TTC7B: variants seen among roughly 807,000 people sequenced by gnomAD.
TTC7B encodes the protein tetratricopeptide repeat domain 7B.
A neutral mutation model predicts 106.8 loss-of-function variants in TTC7B; 28 were observed. The observed-to-expected ratio is 0.26, with a 90% CI of 0.19 to 0.36. The LOEUF is 0.36. Ranked by LOEUF, TTC7B falls within the 10% of genes least tolerant of loss-of-function variation. The pLI is 1.00. For missense variants in TTC7B, 862 were observed against 1,076.4 expected, an observed-to-expected ratio of 0.80 and a Z score of 2.79; for synonymous variants, 405 against 430.6, an observed-to-expected ratio of 0.94 and a Z score of 0.74.
Position 90,808,872 on chromosome 14 carries a change from G to A in TTC7B, c.121+7303C>T, listed in dbSNP as rs1228838329. ...AATAAGAACCAAAGGCCATTCCTGCGTGCCCAGGGCACAGCTGGCCGGGCA... is the reference window on the plus strand; with the variant it reads ...AATAAGAACCAAAGGCCATTCCTGCATGCCCAGGGCACAGCTGGCCGGGCA... On this transcript the variant is annotated intron_variant, in intron 1 of 19. Transcript: ENST00000328459. This position sits in a 1 kb window ranked among gnomAD's most constrained non-coding sequence, Gnocchi z 4.2. 7.2e-5 allele frequency among the ~76,000 whole-genome samples: 11 copies of A among 152,206 alleles called. No individual in the cohort carries two copies. Among genetic ancestry groups the A allele is most frequent in the South Asian group, 2.1e-4 (1 of 4,836 alleles).
At chr14:90,623,798 A>C (rs1884316775) in intron 15 of TTC7B, among the ~76,000 whole-genome samples, 1 of 152,214 alleles carries the variant, frequency 6.6e-6, no homozygotes, top group South Asian at 2.1e-4. Context: ...AGGCAGGCAG[A>C]TCACTTGAGG....
chr14:90,561,466 G>T (rs898385384), intron 19 of TTC7B, among the ~76,000 whole-genome samples: 3 of 152,210 alleles, frequency 2.0e-5, no homozygotes, highest in African/African-American at 7.2e-5. Flanking sequence ...GGCATAAAGA[G>T]GGGACGCTTC....
chr14:90,593,340 T>C (rs1009645026), intron 18 of TTC7B, 146 bp downstream of exon 18: 2 of 1,209,968 alleles, frequency 1.7e-6, no homozygotes, highest in Non-Finnish European at 2.2e-6. Context: ...AACATTTTGG[T>C]GCATGGCCGT....
At chr14:90,717,271 G>T (rs560170223) in intron 5 of TTC7B, among the ~76,000 whole-genome samples, 115 of 151,832 alleles carry the variant, frequency 7.6e-4, no homozygotes, top group Middle Eastern at 3.4e-3. Context: ...CCCGGGAGGC[G>T]GAGCTTGCAG....
chr14:90,607,055 G>C (rs1892670358), intron 17 of TTC7B, among the ~76,000 whole-genome samples: 1 of 152,150 alleles, frequency 6.6e-6, no homozygotes, highest in South Asian at 2.1e-4. Context: ...AGCAAGTGTG[G>C]GACAGGAGAG....
intron 17 of TTC7B, among the ~76,000 whole-genome samples, chr14:90,603,809 T>C (rs894941114): frequency 2.6e-5 from 4 of 152,238 alleles, no homozygotes; most frequent in Non-Finnish European, 5.9e-5. Flanking sequence ...TAAGAAATTC[T>C]GCATTTGTCA....
chr14:90,578,988 C>T lies in TTC7B; in HGVS notation c.2108-680G>A, dbSNP rs994068638. Among the ~76,000 whole-genome samples, 2 of 152,256 alleles carry T rather than the reference C, an allele frequency of 1.3e-5. No homozygotes were observed. The highest frequency in any genetic ancestry group is 1.5e-5 in the Non-Finnish European group (1 of 68,050). On this transcript the variant is annotated intron_variant, in intron 18 of 19. Coordinates refer to ENST00000328459, the MANE Select transcript of TTC7B (RefSeq NM_001010854.2). This position sits in a 1 kb window ranked among gnomAD's most constrained non-coding sequence, Gnocchi z 4.7. ...ATGACCCTGCTACCGATCCAGGCCTCAACTCTCTCACCTCCATGTGGAGCC... is the reference window on the plus strand; with the variant it reads ...ATGACCCTGCTACCGATCCAGGCCTTAACTCTCTCACCTCCATGTGGAGCC...
chr14:90,764,299 C>T (rs1438369953), intron 3 of TTC7B, among the ~76,000 whole-genome samples: 2 of 151,974 alleles, frequency 1.3e-5, no homozygotes, highest in African/African-American at 2.4e-5. Context: ...CAAAAATATA[C>T]AAAAATTAAC....
chr14:90,598,814 T>A lies in TTC7B; in HGVS notation c.1967-5188A>T, dbSNP rs1023302895. On this transcript the variant is annotated intron_variant, in intron 17 of 19. Transcript: ENST00000328459. Reference sequence around the variant, plus strand: ...ACATGTGAGCCCTCTTCCACCAAAGTTCATCATCCAAAGGGATCCCAGCAC... The same window carrying A: ...ACATGTGAGCCCTCTTCCACCAAAGATCATCATCCAAAGGGATCCCAGCAC... Among the ~76,000 whole-genome samples the A allele has an allele frequency of 2.6e-5, 4 of 152,342 alleles. No homozygotes were observed. In the South Asian group the frequency reaches 8.3e-4, roughly 32 times the overall value.
At chr14:90,541,695 T>A in intron 19 of TTC7B, 106 bp from the exon 20 acceptor site, 1 of 860,150 alleles carries the variant, frequency 1.2e-6, no homozygotes, top group Non-Finnish European at 1.7e-6. Context: ...GCCGGGAATA[T>A]ATCGCCATTG....
intron 15 of TTC7B, among the ~76,000 whole-genome samples, chr14:90,620,398 C>G (rs1893260477): frequency 6.6e-6 from 1 of 152,152 alleles, no homozygotes; most frequent in Non-Finnish European, 1.5e-5. Flanking sequence ...CCTGCTGAAG[C>G]CTGCCCGAGT....
intron 1 of TTC7B, among the ~76,000 whole-genome samples, chr14:90,810,262 A>T (rs1286311): frequency 0.75 from 113,783 of 152,098 alleles, 42,909 homozygotes; most frequent in Middle Eastern, 0.83. Flanking sequence ...ATGCCCAGTA[A>T]ACATAACATG....
chr14:90,554,025 A>G (rs1890198784), intron 19 of TTC7B, among the ~76,000 whole-genome samples: 1 of 152,252 alleles, frequency 6.6e-6, no homozygotes, highest in African/African-American at 2.4e-5. Context: ...CAGCCTGGCC[A>G]GAAGCCAAAG....
At chr14:90,659,704 G>T (rs531524312) in intron 9 of TTC7B, among the ~76,000 whole-genome samples, 3 of 152,170 alleles carry the variant, frequency 2.0e-5, no homozygotes, top group African/African-American at 7.2e-5. Flanking sequence ...GGCTTTAGGG[G>T]ACACGGGAGG....
intron 19 of TTC7B, chr14:90,569,626 TGA>T (rs1459747570): frequency 6.6e-6 from 1 of 152,184 alleles, no homozygotes; most frequent in Non-Finnish European, 1.5e-5. Context: ...GTGATTAGTG[TGA>T]GTCTGTTTCT....
Position 90,630,831 on chromosome 14 carries a change from G to GTTTT in TTC7B, c.1752-12790_1752-12787dup, listed in dbSNP as rs201616174. Among the ~76,000 whole-genome samples the GTTTT allele has an allele frequency of 1.4e-3, 197 of 141,874 alleles. 1 individual carries two copies. The highest frequency in any genetic ancestry group is 4.7e-3 in the African/African-American group (186 of 39,366). The allele number at this position is 141,874 out of a possible 152,430, so 93.1% of individuals were successfully genotyped here. ...ATCCATCAGAATGTCCTTCTATCTT[G>GTTTT]TTTTTTGTTTTTTTTTTTTTTGAGA... is the stretch of plus-strand genomic sequence containing the variant. On this transcript the variant is annotated intron_variant, in intron 15 of 19. Coordinates refer to ENST00000328459, the MANE Select transcript of TTC7B (RefSeq NM_001010854.2).
chr14:90,619,480 T>C (rs1236127363), intron 15 of TTC7B, among the ~76,000 whole-genome samples: 1 of 152,184 alleles, frequency 6.6e-6, no homozygotes, highest in Admixed American at 6.5e-5. Context: ...AAAACCCCAC[T>C]TAAATAAGTA....
chr14:90,587,178 T>C (rs898205969), intron 18 of TTC7B, among the ~76,000 whole-genome samples: 1 of 152,194 alleles, frequency 6.6e-6, no homozygotes, highest in East Asian at 1.9e-4. Flanking sequence ...TCTTGCTATG[T>C]TGCCCAGGCC....
At chr14:90,683,683 G>T (rs980346948) in intron 7 of TTC7B, among the ~76,000 whole-genome samples, 2 of 152,102 alleles carry the variant, frequency 1.3e-5, no homozygotes, top group East Asian at 3.9e-4. Flanking sequence ...CAGGTCCACT[G>T]GGCTACACTC....
Sources: allele counts gnomAD v4.1 joint callset (sites outside exome capture counted in the v4.1 genomes callset), GRCh38; gene constraint gnomAD v4.1.1; non-coding constraint Gnocchi (gnomAD v3.1); transcripts MANE v1.5; gene names NCBI Gene and HGNC (gene_info 2026-07-23, HGNC 2026-07-21).